The following TNR variants were observed in gnomAD, a reference collection of about 807,000 sequenced individuals.
TNR encodes tenascin-R.
Under a neutral mutation model 150.4 loss-of-function variants are expected in TNR, and 45 were observed. That is an observed-to-expected ratio of 0.30 (90% CI 0.24 to 0.38). The LOEUF (loss-of-function observed/expected upper bound fraction) is 0.38, where lower values mean the gene tolerates loss of function less well. Among genes scored for constraint, TNR ranks in the 10% least tolerant of loss-of-function variants. TNR has a pLI of 1.00. For synonymous variants in TNR, 687 were observed against 678.4 expected (o/e 1.01, Z -0.20); for missense variants, 1,544 against 1,759.1 (o/e 0.88, Z 2.19).
chr1:175,399,517 G>A (rs148141857), intron 4 of TNR, among the ~76,000 whole-genome samples: 266 of 152,312 alleles, frequency 1.7e-3, no homozygotes, highest in African/African-American at 5.7e-3. Context: ...GTCATTCCTC[G>A]TGGAAGTGGT....
intron 1 of TNR, among the ~76,000 whole-genome samples, chr1:175,547,903 G>C (rs1023057720): frequency 6.6e-6 from 1 of 152,152 alleles, no homozygotes; most frequent in Non-Finnish European, 1.5e-5. Flanking sequence ...TTTGGCCTCG[G>C]ACTTGGCTCT....
intron 2 of TNR, among the ~76,000 whole-genome samples, chr1:175,486,454 C>T (rs957825904): frequency 1.3e-5 from 2 of 152,180 alleles, no homozygotes; most frequent in African/African-American, 4.8e-5. Context: ...AGGACATGAA[C>T]TCATCCTTTT....
chr1:175,584,390 C>T (rs1571639533), intron 1 of TNR, among the ~76,000 whole-genome samples: 1 of 152,164 alleles, frequency 6.6e-6, no homozygotes, highest in Non-Finnish European at 1.5e-5. Flanking sequence ...GGAGGATTCT[C>T]CCTTAGAGAC....
chr1:175,417,063 G>GAAATAAAT (rs1301551880), intron 2 of TNR, among the ~76,000 whole-genome samples: 50 of 131,276 alleles, frequency 3.8e-4, no homozygotes, highest in East Asian at 3.5e-3. Context: ...AAGAAAGAAA[G>GAAATAAAT]AAAGAAAGAA....
At chr1:175,385,545 T>C (rs1652875955) in intron 8 of TNR, among the ~76,000 whole-genome samples, 1 of 152,220 alleles carries the variant, frequency 6.6e-6, no homozygotes. Context: ...CTTAGAGTTG[T>C]ACAGGCTGGG....
At chr1:175,440,507 C>T (rs563381569) in intron 2 of TNR, among the ~76,000 whole-genome samples, 82 of 150,128 alleles carry the variant, frequency 5.5e-4, no homozygotes, top group African/African-American at 1.9e-3. Context: ...TGCACATGTA[C>T]CCTAAAACTT....
intron 2 of TNR, among the ~76,000 whole-genome samples, chr1:175,452,697 A>G (rs955936273): frequency 6.6e-5 from 10 of 152,240 alleles, no homozygotes; most frequent in Admixed American, 5.9e-4. Context: ...AAGAACTGTA[A>G]GGGAGTAAAG....
chr1:175,540,274 C>T (rs1343787523), intron 1 of TNR, among the ~76,000 whole-genome samples: 1 of 152,190 alleles, frequency 6.6e-6, no homozygotes, highest in Non-Finnish European at 1.5e-5. Flanking sequence ...CAGAGATTCA[C>T]CTTTCCCTGC....
At chr1:175,652,028 C>T in intron 1 of TNR, among the ~76,000 whole-genome samples, 1 of 149,772 alleles carries the variant, frequency 6.7e-6, no homozygotes, top group South Asian at 2.1e-4. Flanking sequence ...AAATAACTTT[C>T]AGAAAACTAA....
chr1:175,439,481 T>C (rs557379397), intron 2 of TNR, among the ~76,000 whole-genome samples: 2,241 of 152,122 alleles, frequency 0.015, 66 homozygotes, highest in African/African-American at 0.051. Context: ...ACTTCATGTC[T>C]AAAACACCAA....
chr1:175,556,779 T>C (rs371698037), intron 1 of TNR: 2 of 152,476 alleles, frequency 1.3e-5, no homozygotes, highest in African/African-American at 2.4e-5. Flanking sequence ...TCCCCTTCCT[T>C]GGATAGACAA....
At chr1:175,335,902 A>G (rs1462207073) in intron 19 of TNR, 95 bp from the exon 20 acceptor site, 2 of 1,120,188 alleles carry the variant, frequency 1.8e-6, no homozygotes, top group African/African-American at 1.6e-5. Context: ...TAAAATTGAT[A>G]TAACTGGGTT....
chr1:175,735,833 C>G (rs866712945), intron 1 of TNR, among the ~76,000 whole-genome samples: 1 of 152,104 alleles, frequency 6.6e-6, no homozygotes, highest in Non-Finnish European at 1.5e-5. Context: ...GAATAGGGCT[C>G]GGAAACCCTC....
intron 1 of TNR, among the ~76,000 whole-genome samples, chr1:175,663,100 A>G (rs1368024237): frequency 6.6e-6 from 1 of 152,174 alleles, no homozygotes; most frequent in Admixed American, 6.5e-5. Flanking sequence ...TTGAGGTCAC[A>G]GGCTCCCGGT....
intron 1 of TNR, among the ~76,000 whole-genome samples, chr1:175,603,411 T>G (rs1413665063): frequency 1.3e-5 from 2 of 152,112 alleles, no homozygotes; most frequent in African/African-American, 4.8e-5. Context: ...ATGGCCTGAA[T>G]CATTAATAGA....
intron 1 of TNR, among the ~76,000 whole-genome samples, chr1:175,595,263 G>C (rs1662964073): frequency 6.6e-6 from 1 of 152,250 alleles, no homozygotes; most frequent in African/African-American, 2.4e-5. Flanking sequence ...TGTGGAAGAA[G>C]ATACAGACAC....
At chr1:175,604,912 C>G (rs572987528) in intron 1 of TNR, among the ~76,000 whole-genome samples, 9 of 152,256 alleles carry the variant, frequency 5.9e-5, no homozygotes, top group African/African-American at 2.2e-4. Flanking sequence ...AGATGTAGCT[C>G]TTGGAGTTTA....
Position 175,330,058 on chromosome 1 carries a change from C to T in TNR, c.3793+16G>A, listed in dbSNP as rs761061520. ...ATGCCCACTGTCCTTGGGGTCTGCT[C>T]AGGAGCCATAGGTACCCGCAGTGCC... On this transcript the variant is annotated intron_variant, in intron 21 of 22. Transcript: ENST00000367674. The T allele has an allele frequency of 1.3e-6, 2 of 1,559,456 alleles. No individual in the cohort carries two copies. The highest frequency in any genetic ancestry group is 2.7e-5 in the African/African-American group (2 of 74,012).
intron 1 of TNR, among the ~76,000 whole-genome samples, chr1:175,620,810 G>T: frequency 6.6e-6 from 1 of 152,062 alleles, no homozygotes; most frequent in Middle Eastern, 3.4e-3. Context: ...ATGGAAGCTC[G>T]ATCTCAAATG....
Sources: gnomAD v4.1 joint callset for allele counts (sites outside exome capture counted in the v4.1 genomes callset) on GRCh38, gnomAD v4.1.1 for gene constraint, MANE v1.5 for transcripts, NCBI Gene and HGNC (gene_info 2026-07-23, HGNC 2026-07-21) for gene names.